Variants in CRTC1 observed in about 807,000 individuals in gnomAD.
The protein encoded by CRTC1 is CREB regulated transcription coactivator 1, also known as CREB-regulated transcription coactivator 1.
Under a neutral mutation model 66.1 loss-of-function variants are expected in CRTC1, and 18 were observed. That is an observed-to-expected ratio of 0.27 (90% CI 0.19 to 0.40). The LOEUF is 0.40. Among genes scored for constraint, CRTC1 ranks in the 10% least tolerant of loss-of-function variants. The probability of loss-of-function intolerance (pLI) is 1.00; values close to 1 mark genes in which losing one functional copy is unlikely to be tolerated. For missense variants in CRTC1, 669 were observed against 887.9 expected (o/e 0.75, Z 3.13); for synonymous variants, 416 against 398.8 (o/e 1.04, Z -0.51).
At chr19:18,739,323 C>T (rs1032319242) in intron 1 of CRTC1, among the ~76,000 whole-genome samples, 2 of 152,214 alleles carry the variant, frequency 1.3e-5, no homozygotes, top group African/African-American at 4.8e-5. Context: ...GCCGCTGGCT[C>T]CAAGTGAGGG....
chr19:18,719,141 G>A (rs1033418810), intron 1 of CRTC1, among the ~76,000 whole-genome samples: 1 of 152,150 alleles, frequency 6.6e-6, no homozygotes, highest in African/African-American at 2.4e-5. Flanking sequence ...CAGAGGAAAG[G>A]GACACCTCCA....
intron 1 of CRTC1, among the ~76,000 whole-genome samples, chr19:18,702,984 G>C (rs557650855): frequency 6.6e-6 from 1 of 150,996 alleles, no homozygotes; most frequent in Non-Finnish European, 1.5e-5. Flanking sequence ...TCTCGCTCTC[G>C]CTCTGTTGCC....
chr19:18,719,802 C>T (rs919769094), intron 1 of CRTC1, among the ~76,000 whole-genome samples: 3 of 152,246 alleles, frequency 2.0e-5, no homozygotes, highest in Admixed American at 6.5e-5. Flanking sequence ...CCTCCTCTGC[C>T]GTGTCTGGGA....
rs375647909 is a variant in CRTC1 at position 18,746,010 on chromosome 19, C to T, written c.381+50C>T. 39 of 1,556,130 alleles carry T rather than the reference C, an allele frequency of 2.5e-5. No homozygotes were observed. In the African/African-American group the frequency reaches 4.2e-4, roughly 17 times the overall value. ...GGTGGGGGCCAGGCCCTGTCGGTGC[C>T]GGCAGGACCCCAAGTTTACCCAGCA... is the stretch of plus-strand genomic sequence containing the variant. On this transcript the variant is annotated intron_variant, in intron 3 of 13. Transcript: ENST00000321949.
chr19:18,765,843 C>T (rs1286257892), intron 9 of CRTC1, among the ~76,000 whole-genome samples: 1 of 151,908 alleles, frequency 6.6e-6, no homozygotes, highest in East Asian at 1.9e-4. Context: ...CGCCTGTGGT[C>T]CCAGCTACTA....
intron 3 of CRTC1, 128 bp downstream of exon 3, chr19:18,746,088 C>G (rs2054229641): frequency 3.9e-6 from 5 of 1,296,404 alleles, no homozygotes; most frequent in Middle Eastern, 1.9e-4. Context: ...CAGGGCAGCA[C>G]CATCTGGGAG....
chr19:18,773,322 C>T lies in CRTC1; in HGVS notation c.1426-1578C>T, dbSNP rs114368453. 4.2e-3 allele frequency among the ~76,000 whole-genome samples: 637 copies of T among 152,298 alleles called. 8 individuals are homozygous for T. Among genetic ancestry groups the T allele is most frequent in the African/African-American group, 0.015 (617 of 41,562 alleles). ...TCCTGCCTTGAGTAGCCACTGTGTG[C>T]ACCCTAGCCAGGCCCTGGGCCACAG... is the stretch of plus-strand genomic sequence containing the variant. On this transcript the variant is annotated intron_variant, in intron 11 of 13. Transcript: ENST00000321949.
At chr19:18,763,257 C>T (rs906957029) in intron 8 of CRTC1, among the ~76,000 whole-genome samples, 6 of 152,216 alleles carry the variant, frequency 3.9e-5, no homozygotes, top group African/African-American at 1.2e-4. Flanking sequence ...CCCACCACCA[C>T]GCCTGGCTAA....
Position 18,779,070 on chromosome 19 carries a change from T to C in CRTC1, c.*1688T>C, listed in dbSNP as rs2055053353. The stretch of plus-strand genomic sequence containing the variant: ...GGAGGCATCAGGGCTGGCTTTGTTT[T>C]CTGCTGTTCTTGGAATAGGAACTGC... On this transcript the variant is annotated 3_prime_UTR_variant, in exon 14 of 14. Coordinates refer to ENST00000321949, the MANE Select transcript of CRTC1 (RefSeq NM_015321.3). The C allele has an allele frequency of 4.3e-6, 1 of 232,558 alleles. No individual in the cohort carries two copies. The highest frequency in any genetic ancestry group is 5.6e-5 in the Admixed American group (1 of 17,752). The allele number at this position is 232,558 out of a possible 1,614,324, so 14.4% of individuals were successfully genotyped here. A position where few individuals can be genotyped will look rare whatever the true frequency, so the allele number is the denominator to read the frequency against.
chr19:18,760,374 G>A lies in CRTC1; in HGVS notation c.886+146G>A, dbSNP rs2054587334. 2.9e-6 allele frequency: 2 copies of A among 688,980 alleles called. No individual in the cohort carries two copies. The highest frequency in any genetic ancestry group is 4.9e-6 in the Non-Finnish European group (2 of 410,064). The allele number at this position is 688,980 out of a possible 1,614,324, so 42.7% of individuals were successfully genotyped here. A position where few individuals can be genotyped will look rare whatever the true frequency, so the allele number is the denominator to read the frequency against. ...GGGCGGCCGACAGGCTGACCCAGCG[G>A]GCACAGGCATCCCAGGTAGGGGTGG... On this transcript the variant is annotated intron_variant, in intron 8 of 13. Transcript: ENST00000321949. The surrounding 1 kb of genome is among the most constrained non-coding windows in gnomAD (Gnocchi z 6.2).
chr19:18,691,046 A>AAAAAAT (rs774624120), intron 1 of CRTC1, among the ~76,000 whole-genome samples: 1 of 135,950 alleles, frequency 7.4e-6, no homozygotes, highest in Non-Finnish European at 1.5e-5. Flanking sequence ...AAAAAAAAAA[A>AAAAAAT]GAAGAGTGGG....
rs112509825 is a variant in CRTC1 at position 18,718,050 on chromosome 19, A to G, written c.127-24860A>G. 2.3e-3 allele frequency among the ~76,000 whole-genome samples: 353 copies of G among 152,304 alleles called. 1 individual carries two copies. Among genetic ancestry groups the G allele is most frequent in the African/African-American group, 8.0e-3 (331 of 41,568 alleles). ...TCACCATCTGAAAGTGAACAGTTCC[A>G]TGGCGTTTGGCGCATTCACAGTATT... On this transcript the variant is annotated intron_variant, in intron 1 of 13. Transcript: ENST00000321949.
chr19:18,711,664 G>T (rs573987245), intron 1 of CRTC1, among the ~76,000 whole-genome samples: 4 of 152,286 alleles, frequency 2.6e-5, no homozygotes, highest in Admixed American at 2.6e-4. Flanking sequence ...TGGGGCGGCC[G>T]TGCTGGTCCT....
At chr19:18,753,694 C>T in intron 6 of CRTC1, 109 bp downstream of exon 6, 1 of 704,974 alleles carries the variant, frequency 1.4e-6, no homozygotes, top group Non-Finnish European at 2.5e-6. Context: ...CTTCCCAAGA[C>T]AGGGAACCTC....
At chr19:18,765,954 CTG>C (rs1316821239) in intron 9 of CRTC1, among the ~76,000 whole-genome samples, 4 of 149,564 alleles carry the variant, frequency 2.7e-5, no homozygotes, top group Admixed American at 2.0e-4. Flanking sequence ...GAGTGAGACT[CTG>C]TTTCAAAAAA....
intron 1 of CRTC1, among the ~76,000 whole-genome samples, chr19:18,731,776 TC>T (rs1355754947): frequency 6.6e-6 from 1 of 152,278 alleles, no homozygotes; most frequent in Non-Finnish European, 1.5e-5. Flanking sequence ...GCCCACAGCT[TC>T]CTGCTCGTCA....
intron 1 of CRTC1, among the ~76,000 whole-genome samples, chr19:18,710,356 G>A (rs914381380): frequency 1.3e-5 from 2 of 152,116 alleles, no homozygotes; most frequent in Admixed American, 6.5e-5. Flanking sequence ...CTGGCCTCCC[G>A]TCCTACTGCC....
chr19:18,729,547 C>T (rs995600451), intron 1 of CRTC1, among the ~76,000 whole-genome samples: 2 of 151,924 alleles, frequency 1.3e-5, no homozygotes. Flanking sequence ...GAGTTTGAGA[C>T]CAGCCTGGGC....
Position 18,777,631 on chromosome 19 carries a change from C to G in CRTC1, c.*249C>G. ...GGGATCGGAGGCCGTGAGCCTCCCG[C>G]CCCTGCAGACCCTCCCTGCACTGGC... On this transcript the variant is annotated 3_prime_UTR_variant, in exon 14 of 14. Coordinates refer to ENST00000321949, the MANE Select transcript of CRTC1 (RefSeq NM_015321.3). The surrounding 1 kb of genome is among the most constrained non-coding windows in gnomAD (Gnocchi z 5.5). 1 of 509,626 alleles carries G rather than the reference C, an allele frequency of 2.0e-6. No individual in the cohort carries two copies. Among genetic ancestry groups the G allele is most frequent in the Non-Finnish European group, 3.5e-6 (1 of 288,406 alleles). 31.6% of individuals were successfully genotyped at this position (509,626 alleles called of 1,614,324 possible).
Sources: gnomAD v4.1 joint callset for allele counts (sites outside exome capture counted in the v4.1 genomes callset) on GRCh38, gnomAD v4.1.1 for gene constraint, Gnocchi (gnomAD v3.1) non-coding constraint, MANE v1.5 for transcripts, NCBI Gene and HGNC (gene_info 2026-07-23, HGNC 2026-07-21) for gene names.